ATP8A2: variants seen among roughly 807,000 people sequenced by gnomAD.
ATP8A2 encodes the protein ATPase phospholipid transporting 8A2, also known as phospholipid-transporting ATPase IB.
A neutral mutation model predicts 165.6 loss-of-function variants in ATP8A2; 100 were observed. That is an observed-to-expected ratio of 0.60 (90% CI 0.51 to 0.71). The LOEUF is 0.71. Ranked by LOEUF, ATP8A2 falls within the 30% of genes least tolerant of loss-of-function variation. The pLI is 0.00. For missense variants in ATP8A2, 1,227 were observed against 1,479.5 expected (o/e 0.83, Z 2.80); for synonymous variants, 543 against 548.8 (o/e 0.99, Z 0.15).
At chr13:25,627,051 C>T (rs774816799) in intron 24 of ATP8A2, among the ~76,000 whole-genome samples, 11 of 151,972 alleles carry the variant, frequency 7.2e-5, no homozygotes, top group South Asian at 2.1e-4. Flanking sequence ...GATGAGAGCT[C>T]GGTGGGAATA....
intron 30 of ATP8A2, among the ~76,000 whole-genome samples, chr13:25,851,310 C>T (rs911583626): frequency 5.3e-5 from 8 of 152,108 alleles, no homozygotes; most frequent in African/African-American, 1.4e-4. Context: ...AGCCGGATGC[C>T]GTGGCTCACG....
intron 1 of ATP8A2, among the ~76,000 whole-genome samples, chr13:25,414,629 C>G (rs867739117): frequency 1.6e-4 from 25 of 152,370 alleles, no homozygotes; most frequent in South Asian, 1.2e-3. Context: ...CCTGGATGTA[C>G]TTTACGTGTA....
intron 25 of ATP8A2, among the ~76,000 whole-genome samples, chr13:25,740,308 CAAAAAAA>C (rs1229327243): frequency 3.0e-5 from 2 of 67,488 alleles, no homozygotes; most frequent in African/African-American, 5.8e-5. Flanking sequence ...GGCTCTATCT[CAAAAAAA>C]AAAAAAAAAA....
intron 2 of ATP8A2, among the ~76,000 whole-genome samples, chr13:25,481,262 A>G (rs2036192159): frequency 6.6e-6 from 1 of 151,914 alleles, no homozygotes; most frequent in South Asian, 2.1e-4. Flanking sequence ...ACTTCCCAAT[A>G]TTGTTTTTGC....
At position 25,930,813 on chromosome 13, in the gene ATP8A2, C is replaced by T. The variant is rs9581479; in HGVS notation, c.3184-30762C>T. On this transcript the variant is annotated intron_variant, in intron 33 of 36. Coordinates refer to ENST00000381655, the MANE Select transcript of ATP8A2 (RefSeq NM_016529.6). ...GATAGAATCTCAGCCACCCAGCTGCCATGCATGGGCCTTAGGGTCTGGCTG... is the reference window on the plus strand; with the variant it reads ...GATAGAATCTCAGCCACCCAGCTGCTATGCATGGGCCTTAGGGTCTGGCTG... Among the ~76,000 whole-genome samples the T allele has an allele frequency of 1.6e-3, 241 of 152,294 alleles. 2 individuals are homozygous for T. The highest frequency in any genetic ancestry group is 5.7e-3 in the African/African-American group (235 of 41,562).
intron 30 of ATP8A2, among the ~76,000 whole-genome samples, chr13:25,849,051 G>A (rs146150889): frequency 8.8e-4 from 134 of 152,272 alleles, no homozygotes; most frequent in Non-Finnish European, 1.5e-3. Context: ...CTGGAATCCC[G>A]GCTGCTTTGA....
At chr13:25,612,305 C>T (rs1328235124) in intron 24 of ATP8A2, among the ~76,000 whole-genome samples, 2 of 151,950 alleles carry the variant, frequency 1.3e-5, no homozygotes, top group Non-Finnish European at 1.5e-5. Context: ...CTGCCTTTGT[C>T]GTATCCCAGA....
At chr13:25,477,748 T>A (rs1027707431) in intron 2 of ATP8A2, among the ~76,000 whole-genome samples, 1 of 152,090 alleles carries the variant, frequency 6.6e-6, no homozygotes, top group African/African-American at 2.4e-5. Context: ...GCCAGCCTGG[T>A]GAACATGGTG....
chr13:25,449,949 A>G (rs2035167511), intron 1 of ATP8A2, among the ~76,000 whole-genome samples: 2 of 152,158 alleles, frequency 1.3e-5, no homozygotes, highest in African/African-American at 2.4e-5. Context: ...AGTACCCATC[A>G]GCTATTTTTC....
intron 30 of ATP8A2, among the ~76,000 whole-genome samples, chr13:25,857,605 A>C (rs1593458564): frequency 5.1e-5 from 6 of 117,182 alleles, no homozygotes; most frequent in Middle Eastern, 6.8e-3. Context: ...GCAGAGTCTC[A>C]CTCTGTTGCC....
At position 25,699,286 on chromosome 13, in the gene ATP8A2, C is replaced by T. The variant is rs200483917; in HGVS notation, c.2325C>T (p.Phe775=). The change falls in exon 25 of 37, where the codon TTC becomes TTT. Residue 775 remains phenylalanine (F), a synonymous_variant. Transcript: ENST00000381655. The stretch of plus-strand genomic sequence containing the variant: ...ACACCCTGAAGTACGCGCTCTCCTT[C>T]GAAGTCCGGAGGAGTTTCCTGGATT... The part of the protein sequence containing the change: ...DGHTLKYALS[F]EVRRSFLDLA... 1.2e-4 allele frequency: 186 copies of T among 1,613,648 alleles called. No homozygotes were observed. The highest frequency in any genetic ancestry group is 4.1e-4 in the African/African-American group (31 of 74,886).
Position 25,876,849 on chromosome 13 carries a change from G to A in ATP8A2, c.3183+14441G>A, listed in dbSNP as rs1171648883. 2.6e-5 allele frequency among the ~76,000 whole-genome samples: 4 copies of A among 152,240 alleles called. No homozygotes were observed. In the East Asian group the frequency reaches 5.8e-4, roughly 22 times the overall value. On this transcript the variant is annotated intron_variant, in intron 33 of 36. Transcript: ENST00000381655. ...AAATAGAATTAAATATTGCATTGGGGCATTGTAATAGTTTTCTATAATATA... is the reference window on the plus strand; with the variant it reads ...AAATAGAATTAAATATTGCATTGGGACATTGTAATAGTTTTCTATAATATA...
Position 25,996,666 on chromosome 13 carries a change from C to T in ATP8A2, c.3378-15865C>T, listed in dbSNP as rs111736534. 7.2e-5 allele frequency among the ~76,000 whole-genome samples: 11 copies of T among 152,134 alleles called. 2 individuals carry two copies. The highest frequency in any genetic ancestry group is 2.7e-4 in the African/African-American group (11 of 41,498). On this transcript the variant is annotated intron_variant, in intron 35 of 36. Coordinates refer to ENST00000381655, the MANE Select transcript of ATP8A2 (RefSeq NM_016529.6). ...TCAGCCTCCTAAGTAGCTGGTATTA[C>T]AGGTGTGCACCACCATGCCTGGCTA... is the stretch of plus-strand genomic sequence containing the variant.
At chr13:25,803,523 C>T (rs1950664416) in intron 27 of ATP8A2, among the ~76,000 whole-genome samples, 1 of 152,154 alleles carries the variant, frequency 6.6e-6, no homozygotes, top group African/African-American at 2.4e-5. Context: ...CAGATATAAA[C>T]TTTATTTACC....
intron 15 of ATP8A2, among the ~76,000 whole-genome samples, chr13:25,561,285 C>A (rs1566270454): frequency 6.6e-6 from 1 of 152,122 alleles, no homozygotes; most frequent in East Asian, 1.9e-4. Flanking sequence ...CTTCCCTGTT[C>A]CCTCTGCATC....
intron 25 of ATP8A2, among the ~76,000 whole-genome samples, chr13:25,716,932 A>G (rs1419364697): frequency 2.0e-5 from 3 of 152,200 alleles, no homozygotes; most frequent in Non-Finnish European, 2.9e-5. Flanking sequence ...TAAAGCATGA[A>G]TTGCTTATTT....
chr13:25,389,660 C>G (rs2033174999), intron 1 of ATP8A2, among the ~76,000 whole-genome samples: 1 of 152,230 alleles, frequency 6.6e-6, no homozygotes, highest in South Asian at 2.1e-4. Flanking sequence ...CTGCTTTTTA[C>G]TCAAATCAAC....
At chr13:25,531,743 T>C (rs2038121636) in intron 4 of ATP8A2, among the ~76,000 whole-genome samples, 1 of 152,094 alleles carries the variant, frequency 6.6e-6, no homozygotes, top group African/African-American at 2.4e-5. Flanking sequence ...ATAAACACTG[T>C]ATGAAGTTAC....
At chr13:25,581,092 G>T (rs1221589758) in intron 22 of ATP8A2, among the ~76,000 whole-genome samples, 1 of 152,214 alleles carries the variant, frequency 6.6e-6, no homozygotes, top group Non-Finnish European at 1.5e-5. Flanking sequence ...TTAAATAGGT[G>T]ATGTGCCTGT....
Sources: gnomAD v4.1 joint callset for allele counts (sites outside exome capture counted in the v4.1 genomes callset) on GRCh38, gnomAD v4.1.1 for gene constraint, MANE v1.5 for transcripts, NCBI Gene and HGNC (gene_info 2026-07-23, HGNC 2026-07-21) for gene names.